Variants in SCNN1B observed in about 807,000 individuals in gnomAD.
SCNN1B encodes the protein sodium channel epithelial 1 subunit beta.
A neutral mutation model predicts 65.3 loss-of-function variants in SCNN1B; 46 were observed. The observed-to-expected ratio is 0.70, with a 90% CI of 0.56 to 0.90. SCNN1B has a LOEUF of 0.90. Ranked by LOEUF, SCNN1B falls within the 40% of genes least tolerant of loss-of-function variation. The probability of loss-of-function intolerance (pLI) is 0.00; values close to 1 mark genes in which losing one functional copy is unlikely to be tolerated. For synonymous variants in SCNN1B, 349 were observed against 330.6 expected (o/e 1.06, Z -0.60); for missense variants, 751 against 830.5 (o/e 0.90, Z 1.18).
chr16:23,323,799 C>CA, intron 1 of SCNN1B, among the ~76,000 whole-genome samples: 1 of 152,164 alleles, frequency 6.6e-6, no homozygotes, highest in Non-Finnish European at 1.5e-5. Flanking sequence ...AGGAGCATGA[C>CA]ATAGACAGCT....
intron 1 of SCNN1B, among the ~76,000 whole-genome samples, chr16:23,320,231 T>G (rs1961559097): frequency 6.6e-6 from 1 of 152,180 alleles, no homozygotes; most frequent in Admixed American, 6.5e-5. Context: ...AACTTTAGCA[T>G]GGCCAGAGCC....
chr16:23,332,385 C>T (rs373627909), intron 1 of SCNN1B, among the ~76,000 whole-genome samples: 12 of 152,074 alleles, frequency 7.9e-5, no homozygotes, highest in South Asian at 2.1e-4. Flanking sequence ...TTAGTAGAGA[C>T]GAGGTTTCAC....
chr16:23,349,690 A>G lies in SCNN1B; in HGVS notation c.311+780A>G, dbSNP rs1004752920. ...CCAGGCACTGTCCTAGGCAACACAA[A>G]TACAACAGTTAACAAAACAGAGTCC... On this transcript the variant is annotated intron_variant, in intron 2 of 12. Transcript: ENST00000343070. 2.6e-5 allele frequency among the ~76,000 whole-genome samples: 4 copies of G among 152,198 alleles called. 1 individual carries two copies. Among genetic ancestry groups the G allele is most frequent in the African/African-American group, 9.7e-5 (4 of 41,442 alleles).
chr16:23,371,912 C>G, intron 7 of SCNN1B, 29 bp downstream of exon 7: 2 of 1,535,258 alleles, frequency 1.3e-6, no homozygotes, highest in Non-Finnish European at 1.8e-6. Flanking sequence ...CCTCATGCCC[C>G]GGGGCCCCTG....
rs1961573489 is a variant in SCNN1B at position 23,320,880 on chromosome 16, C to A, written c.-9+18443C>A. Among the ~76,000 whole-genome samples, 3 of 152,262 alleles carry A rather than the reference C, an allele frequency of 2.0e-5. No individual in the cohort carries two copies. In the East Asian group the frequency reaches 5.8e-4, roughly 29 times the overall value. ...GGGCAGGGCCCTCTCTTGGGTCAGGCTGGGCCCAGAGCCATCTCCTCAACT... is the reference window on the plus strand; with the variant it reads ...GGGCAGGGCCCTCTCTTGGGTCAGGATGGGCCCAGAGCCATCTCCTCAACT... On this transcript the variant is annotated intron_variant, in intron 1 of 12. Coordinates refer to ENST00000343070, the MANE Select transcript of SCNN1B (RefSeq NM_000336.3).
intron 1 of SCNN1B, among the ~76,000 whole-genome samples, chr16:23,315,104 A>G (rs1226934596): frequency 6.6e-6 from 1 of 152,232 alleles, no homozygotes; most frequent in Non-Finnish European, 1.5e-5. Context: ...TGGGAGGCCA[A>G]GGCGGGCGGA....
At position 23,352,921 on chromosome 16, in the gene SCNN1B, C is replaced by T; in HGVS notation, c.432C>T (p.Ile144=). 1 of 1,614,198 alleles carries T rather than the reference C, an allele frequency of 6.2e-7. No homozygotes were observed. Among genetic ancestry groups the T allele is most frequent in the Admixed American group, 1.7e-5 (1 of 60,034 alleles). ...ANATRNLNFS[I]WNHTPLVLID... is the part of the protein sequence containing the mutation. ...CCACCAGGAACCTGAACTTCTCCAT[C>T]TGGAACCACACACCCCTGGTCCTTA... Residue 144 remains isoleucine, a synonymous_variant, in exon 3 of 13, where the codon ATC becomes ATT. Transcript: ENST00000343070.
intron 1 of SCNN1B, among the ~76,000 whole-genome samples, chr16:23,305,997 C>T (rs1961210081): frequency 1.3e-5 from 2 of 152,150 alleles, no homozygotes; most frequent in African/African-American, 4.8e-5. Context: ...AATCCCAACA[C>T]TTTGGGAGGC....
chr16:23,348,266 A>C lies in SCNN1B; in HGVS notation c.-8-326A>C, dbSNP rs139985633. ...CACAGAGAACCTGAGTTGAGAGTTT[A>C]AGTCACTTGTTCACTAGGTTATGAA... On this transcript the variant is annotated intron_variant, in intron 1 of 12. Coordinates refer to ENST00000343070, the MANE Select transcript of SCNN1B (RefSeq NM_000336.3). The surrounding 1 kb of genome is among the most constrained non-coding windows in gnomAD (Gnocchi z 4.5). 8.5e-5 allele frequency among the ~76,000 whole-genome samples: 13 copies of C among 152,294 alleles called. No individual in the cohort carries two copies. The East Asian group carries it at 2.5e-3, about 29-fold the overall frequency.
chr16:23,373,309 G>T (rs1962823827), intron 7 of SCNN1B, among the ~76,000 whole-genome samples: 1 of 151,940 alleles, frequency 6.6e-6, no homozygotes, highest in Non-Finnish European at 1.5e-5. Context: ...AAAATTTTTT[G>T]CAGAGACAGA....
Position 23,377,224 on chromosome 16 carries a change from T to C in SCNN1B, c.1330T>C (p.Cys444Arg), listed in dbSNP as rs1222738866. ...GCAGAGAGAGACCTGCATTGGCATG[T>C]GCAAGGAGTCCTGCAAGTGAGTGCG... Reference protein sequence around the residue: ...VAQRETCIGMCKESCNDTQYK... With the variant: ...VAQRETCIGMRKESCNDTQYK... The change falls in exon 9 of 13, where the codon TGC (cysteine) becomes CGC (arginine). Residue 444 changes from cysteine (C) to arginine (R), a missense_variant. Physicochemically the swap from Cys to Arg is radical, Grantham distance 180. Transcript: ENST00000343070. 1.2e-6 allele frequency: 2 copies of C among 1,614,180 alleles called. No homozygotes were observed. Among genetic ancestry groups the C allele is most frequent in the Non-Finnish European group, 8.5e-7 (1 of 1,180,016 alleles).
chr16:23,336,535 C>T (rs1961946545), intron 1 of SCNN1B, among the ~76,000 whole-genome samples: 1 of 152,090 alleles, frequency 6.6e-6, no homozygotes, highest in African/African-American at 2.4e-5. Flanking sequence ...CCATGCCCAG[C>T]TAATTTGTGT....
At chr16:23,373,998 C>T (rs1205432287) in intron 7 of SCNN1B, among the ~76,000 whole-genome samples, 1 of 152,166 alleles carries the variant, frequency 6.6e-6, no homozygotes, top group Non-Finnish European at 1.5e-5. Flanking sequence ...GAGCTCTGCC[C>T]ATCCCCATGG....
chr16:23,322,100 T>C (rs149604511), intron 1 of SCNN1B, among the ~76,000 whole-genome samples: 154 of 152,302 alleles, frequency 1.0e-3, no homozygotes, highest in African/African-American at 3.6e-3. Flanking sequence ...TCCCATTCCC[T>C]TGGAGCCTTC....
At chr16:23,291,851 G>C (rs1960930261) in intron 2 of SCNN1B, among the ~76,000 whole-genome samples, 1 of 151,504 alleles carries the variant, frequency 6.6e-6, no homozygotes, top group Non-Finnish European at 1.5e-5. Context: ...AAAGTGCTGG[G>C]TTTACAGGCG....
chr16:23,312,470 C>A (rs1312369255), intron 1 of SCNN1B, among the ~76,000 whole-genome samples: 1 of 152,028 alleles, frequency 6.6e-6, no homozygotes, highest in African/African-American at 2.4e-5. Flanking sequence ...GAGGCATTAG[C>A]AAGCCAAGTG....
At chr16:23,376,025 T>C (rs959489838) in intron 8 of SCNN1B, among the ~76,000 whole-genome samples, 170 bp downstream of exon 8, 2 of 152,256 alleles carry the variant, frequency 1.3e-5, no homozygotes, top group Non-Finnish European at 2.9e-5. Context: ...GCCTCCTTTC[T>C]GCAGGAGCCC....
rs60518051 is a variant in SCNN1B, at chr16:23,374,299, C to T, written c.1153-1439C>T. Among the ~76,000 whole-genome samples, 219 of 124,498 alleles carry T rather than the reference C, an allele frequency of 1.8e-3. 1 individual carries two copies. Among genetic ancestry groups the T allele is most frequent in the African/African-American group, 5.9e-3 (203 of 34,258 alleles). The allele number at this position is 124,498 out of a possible 152,430, so 81.7% of individuals were successfully genotyped here. ...AAAAAAAAAAAAAAAAGAGGCCGGG[C>T]GCGATGGCTCACACCTGTAATCCCA... is the stretch of plus-strand genomic sequence containing the variant. On this transcript the variant is annotated intron_variant, in intron 7 of 12. Coordinates refer to ENST00000343070, the MANE Select transcript of SCNN1B (RefSeq NM_000336.3).
intron 1 of SCNN1B, among the ~76,000 whole-genome samples, chr16:23,345,426 G>A (rs1385790491): frequency 6.6e-6 from 1 of 152,170 alleles, no homozygotes; most frequent in Non-Finnish European, 1.5e-5. Flanking sequence ...TATCTGATGA[G>A]GCCAGGAATG....
Sources: allele counts gnomAD v4.1 joint callset (sites outside exome capture counted in the v4.1 genomes callset), GRCh38; gene constraint gnomAD v4.1.1; non-coding constraint Gnocchi (gnomAD v3.1); transcripts MANE v1.5; gene names NCBI Gene and HGNC (gene_info 2026-07-23, HGNC 2026-07-21).